Variants in CNTNAP2 observed in about 807,000 individuals in gnomAD.
CNTNAP2 encodes the protein contactin-associated protein-like 2.
In CNTNAP2, 98 loss-of-function variants were observed where a neutral mutation model predicts 155.2. The observed-to-expected ratio is 0.63, with a 90% CI of 0.54 to 0.75. The LOEUF (loss-of-function observed/expected upper bound fraction) is 0.75. Among genes scored for constraint, CNTNAP2 ranks in the 30% least tolerant of loss-of-function variants. The probability of loss-of-function intolerance (pLI) is 0.00; values close to 1 mark genes in which losing one functional copy is unlikely to be tolerated. For synonymous variants in CNTNAP2, 651 were observed against 631.2 expected (o/e 1.03, Z -0.47); for missense variants, 1,727 against 1,688.1 (o/e 1.02, Z -0.40).
chr7:146,309,578 G>C (rs528232042), intron 1 of CNTNAP2, among the ~76,000 whole-genome samples: 4 of 152,060 alleles, frequency 2.6e-5, no homozygotes, highest in Non-Finnish European at 4.4e-5. Flanking sequence ...GAGGCAGGTG[G>C]ATCACCTAAG....
intron 13 of CNTNAP2, among the ~76,000 whole-genome samples, chr7:147,841,403 T>A (rs1161368963): frequency 6.6e-6 from 1 of 152,150 alleles, no homozygotes; most frequent in African/African-American, 2.4e-5. Context: ...ACTGACTAGA[T>A]AAAATGTCAT....
intron 18 of CNTNAP2, among the ~76,000 whole-genome samples, chr7:148,201,662 GC>G (rs1428571544): frequency 1.3e-5 from 2 of 152,074 alleles, no homozygotes; most frequent in African/African-American, 4.8e-5. Flanking sequence ...TAAACTTTGT[GC>G]CCCGTCCTTT....
chr7:147,034,739 G>C (rs560227385), intron 3 of CNTNAP2, among the ~76,000 whole-genome samples: 131 of 152,178 alleles, frequency 8.6e-4, no homozygotes, highest in African/African-American at 3.0e-3. Flanking sequence ...CTCCCCTGGA[G>C]CTGGGCCACC....
intron 9 of CNTNAP2, among the ~76,000 whole-genome samples, chr7:147,343,213 C>T (rs1486778047): frequency 6.6e-6 from 1 of 151,914 alleles, no homozygotes; most frequent in African/African-American, 2.4e-5. Flanking sequence ...TGCTGTTATT[C>T]GTAACAGTCG....
At chr7:147,982,002 A>G (rs1801539577) in intron 15 of CNTNAP2, among the ~76,000 whole-genome samples, 4 of 152,316 alleles carry the variant, frequency 2.6e-5, no homozygotes, top group Admixed American at 2.0e-4. Context: ...ACCATTTGGA[A>G]GATTAAAAAT....
chr7:146,677,264 GC>G (rs1800417017), intron 1 of CNTNAP2, among the ~76,000 whole-genome samples: 4 of 152,196 alleles, frequency 2.6e-5, no homozygotes, highest in Admixed American at 2.6e-4. Flanking sequence ...TTTCTGATTG[GC>G]AATTGGTTAT....
intron 1 of CNTNAP2, among the ~76,000 whole-genome samples, chr7:146,335,467 C>T (rs1801258287): frequency 6.6e-6 from 1 of 152,120 alleles, no homozygotes; most frequent in Non-Finnish European, 1.5e-5. Context: ...AAGAAGGAGC[C>T]CTCCTCTGTG....
At chr7:147,658,919 C>A (rs1160026642) in intron 13 of CNTNAP2, among the ~76,000 whole-genome samples, 1 of 152,144 alleles carries the variant, frequency 6.6e-6, no homozygotes, top group African/African-American at 2.4e-5. Context: ...CATCTTTCCA[C>A]TGAGTGTTGA....
chr7:146,209,193 A>G (rs1053045055), intron 1 of CNTNAP2, among the ~76,000 whole-genome samples: 1 of 152,138 alleles, frequency 6.6e-6, no homozygotes, highest in Non-Finnish European at 1.5e-5. Context: ...AAAAGACTTC[A>G]GCCTTCCATT....
intron 8 of CNTNAP2, among the ~76,000 whole-genome samples, chr7:147,144,701 G>A (rs879739402): frequency 2.6e-5 from 4 of 152,210 alleles, no homozygotes; most frequent in Admixed American, 6.5e-5. Context: ...GAAAGAAAAA[G>A]AGGGTGTTCT....
At chr7:146,721,074 T>C (rs953507801) in intron 1 of CNTNAP2, among the ~76,000 whole-genome samples, 14 of 133,224 alleles carry the variant, frequency 1.1e-4, no homozygotes, top group Non-Finnish European at 1.8e-4. Flanking sequence ...ATATATATAC[T>C]CTATATATAT....
chr7:146,163,589 A>C lies in CNTNAP2; in HGVS notation c.97+46616A>C, dbSNP rs199963524. On this transcript the variant is annotated intron_variant, in intron 1 of 23. Transcript: ENST00000361727. ...TATCTATATCTATCTATCTATCTAT[A>C]TATATATATATATCAGGGCGTGGTG... Among the ~76,000 whole-genome samples, 431 of 143,646 alleles carry C rather than the reference A, an allele frequency of 3.0e-3. 1 individual carries two copies. The highest frequency in any genetic ancestry group is 6.5e-3 in the African/African-American group (243 of 37,172). The allele number at this position is 143,646 out of a possible 152,430, so 94.2% of individuals were successfully genotyped here.
At chr7:147,265,737 C>T (rs1216794063) in intron 8 of CNTNAP2, among the ~76,000 whole-genome samples, 1 of 152,136 alleles carries the variant, frequency 6.6e-6, no homozygotes, top group Non-Finnish European at 1.5e-5. Context: ...TCACCAGACA[C>T]CTTATCCAGG....
intron 1 of CNTNAP2, among the ~76,000 whole-genome samples, chr7:146,660,942 T>C (rs1159091031): frequency 2.0e-5 from 3 of 152,152 alleles, no homozygotes; most frequent in African/African-American, 7.2e-5. Context: ...GGAAGGATTG[T>C]GATTAAGTGG....
At chr7:148,294,030 G>T (rs1451778983) in intron 21 of CNTNAP2, among the ~76,000 whole-genome samples, 2 of 115,838 alleles carry the variant, frequency 1.7e-5, no homozygotes, top group East Asian at 4.7e-4. Context: ...GCAGAGCGAG[G>T]CTCCATCTCA....
intron 9 of CNTNAP2, among the ~76,000 whole-genome samples, chr7:147,325,781 T>G (rs536262512): frequency 6.6e-6 from 1 of 152,362 alleles, no homozygotes; most frequent in South Asian, 2.1e-4. Flanking sequence ...TTTGGTGACA[T>G]TAGGTACATT....
At chr7:147,329,153 C>T (rs1033313520) in intron 9 of CNTNAP2, among the ~76,000 whole-genome samples, 14 of 152,102 alleles carry the variant, frequency 9.2e-5, no homozygotes, top group African/African-American at 3.4e-4. Flanking sequence ...CCCACACACA[C>T]ACACACCCAC....
intron 3 of CNTNAP2, chr7:146,963,019 A>T (rs1797585904): frequency 6.6e-6 from 1 of 152,258 alleles, no homozygotes; most frequent in Non-Finnish European, 1.5e-5. Flanking sequence ...TGATGATGAC[A>T]TTCAGGAGAA....
chr7:147,749,470 C>T (rs1486259268), intron 13 of CNTNAP2, among the ~76,000 whole-genome samples: 3 of 152,106 alleles, frequency 2.0e-5, no homozygotes, highest in Non-Finnish European at 4.4e-5. Context: ...AGTTAAATTA[C>T]TGAGTCATAG....
Sources: gnomAD v4.1 joint callset for allele counts (sites outside exome capture counted in the v4.1 genomes callset) on GRCh38, gnomAD v4.1.1 for gene constraint, MANE v1.5 for transcripts, NCBI Gene and HGNC (gene_info 2026-07-23, HGNC 2026-07-21) for gene names.